Variants in RNF19B observed in about 807,000 individuals in gnomAD.
RNF19B encodes ring finger protein 19B, also known as E3 ubiquitin-protein ligase RNF19B.
RNF19B carries 23 observed loss-of-function variants against 65.5 expected under a neutral mutation model. The ratio of observed to expected loss-of-function variants is 0.35; its 90% confidence interval spans 0.25 to 0.50. The LOEUF (loss-of-function observed/expected upper bound fraction) is 0.50, where lower values mean the gene tolerates loss of function less well. Among genes scored for constraint, RNF19B ranks in the 20% least tolerant of loss-of-function variants. The pLI is 0.98. For synonymous variants in RNF19B, 372 were observed against 379.6 expected, an observed-to-expected ratio of 0.98 and a Z score of 0.23; for missense variants, 794 against 980.0, an observed-to-expected ratio of 0.81 and a Z score of 2.53.
intron 7 of RNF19B, among the ~76,000 whole-genome samples, chr1:32,941,466 GGA>G (rs1642228477): frequency 6.6e-6 from 1 of 152,166 alleles, no homozygotes; most frequent in Admixed American, 6.5e-5. Flanking sequence ...CTAGAACCCA[GGA>G]GGTGGAGGCT....
At position 32,952,452 on chromosome 1, in the gene RNF19B, A is replaced by C. The variant is rs866497856; in HGVS notation, c.636-2678T>G. 7.1e-4 allele frequency among the ~76,000 whole-genome samples: 106 copies of C among 149,444 alleles called. 1 individual carries two copies. Among genetic ancestry groups the C allele is most frequent in the Middle Eastern group, 6.8e-3 (2 of 292 alleles). ...CTTAAAAAAAAAAAAAAAAAAAAAAAAAAAAAACAGCCTGGCGTGGTGGCT... is the reference window on the plus strand; with the variant it reads ...CTTAAAAAAAAAAAAAAAAAAAAAACAAAAAAACAGCCTGGCGTGGTGGCT... On this transcript the variant is annotated intron_variant, in intron 1 of 8. Transcript: ENST00000235150.
intron 1 of RNF19B, among the ~76,000 whole-genome samples, chr1:32,956,042 C>A (rs1414375059): frequency 6.6e-6 from 1 of 152,118 alleles, no homozygotes; most frequent in African/African-American, 2.4e-5. Flanking sequence ...CCAGCCAGGG[C>A]AACATGGTGA....
intron 1 of RNF19B, among the ~76,000 whole-genome samples, chr1:32,958,244 C>T (rs1642687121): frequency 6.6e-6 from 1 of 152,218 alleles, no homozygotes; most frequent in Non-Finnish European, 1.5e-5. Flanking sequence ...AAGATTTATA[C>T]TACATATTAG....
downstream of RNF19B, among the ~76,000 whole-genome samples, chr1:32,932,863 G>A (rs1305576528): frequency 6.6e-6 from 1 of 152,096 alleles, no homozygotes; most frequent in South Asian, 2.1e-4. Flanking sequence ...TGCTTTTTTG[G>A]AAACAGACTA....
At chr1:32,941,770 C>CT in intron 7 of RNF19B, among the ~76,000 whole-genome samples, 1 of 152,032 alleles carries the variant, frequency 6.6e-6, no homozygotes, top group South Asian at 2.1e-4. Flanking sequence ...CTGACGTAAC[C>CT]TTTTTTTCTA....
Position 32,936,677 on chromosome 1 carries a change from C to T in RNF19B, c.*129G>A, listed in dbSNP as rs1375902958. ...GTGAATTTCTCAGAATTTCCCTGGG[C>T]AAAAACCTGTGACCAGAGAATCTGT... On this transcript the variant is annotated 3_prime_UTR_variant, in exon 9 of 9. Coordinates refer to ENST00000235150, the MANE Select transcript of RNF19B (RefSeq NM_001300826.2). The T allele has an allele frequency of 1.0e-6, 1 of 963,422 alleles. No homozygotes were observed. The highest frequency in any genetic ancestry group is 2.9e-5 in the East Asian group (1 of 34,084). 59.7% of individuals were successfully genotyped at this position (963,422 alleles called of 1,614,324 possible).
chr1:32,943,322 C>T (rs541398839), intron 6 of RNF19B, among the ~76,000 whole-genome samples: 4 of 151,758 alleles, frequency 2.6e-5, no homozygotes, highest in East Asian at 2.0e-4. Flanking sequence ...TAAAGAAATT[C>T]CCATTTAGGC....
downstream of RNF19B, among the ~76,000 whole-genome samples, chr1:32,933,549 C>T (rs1642055147): frequency 6.6e-6 from 1 of 152,192 alleles, no homozygotes; most frequent in African/African-American, 2.4e-5. Context: ...GCCACCACGC[C>T]CGGCCAAGCT....
intron 2 of RNF19B, among the ~76,000 whole-genome samples, chr1:32,948,594 A>G (rs1264854423): frequency 6.6e-6 from 1 of 152,198 alleles, no homozygotes; most frequent in African/African-American, 2.4e-5. Flanking sequence ...AACAACTGGC[A>G]TCTTACACAG....
chr1:32,953,139 T>C (rs1286656564), intron 1 of RNF19B, among the ~76,000 whole-genome samples: 4 of 151,520 alleles, frequency 2.6e-5, no homozygotes, highest in African/African-American at 7.3e-5. Flanking sequence ...TTTTTCTTTT[T>C]ATTTTTTTTT....
At chr1:32,931,744 T>C (rs1385321367), downstream of RNF19B, among the ~76,000 whole-genome samples, 1 of 152,230 alleles carries the variant, frequency 6.6e-6, no homozygotes, top group Non-Finnish European at 1.5e-5. Flanking sequence ...CTTTTGAGCT[T>C]TTTGTCTTTT....
chr1:32,946,381 A>G (rs758007937), intron 4 of RNF19B, 21 bp downstream of exon 4: 2 of 1,610,664 alleles, frequency 1.2e-6, no homozygotes, highest in South Asian at 2.2e-5. Flanking sequence ...ACAAGCACAG[A>G]AACCAGCATG....
At chr1:32,956,336 C>G (rs1642638143) in intron 1 of RNF19B, among the ~76,000 whole-genome samples, 2 of 152,204 alleles carry the variant, frequency 1.3e-5, no homozygotes, top group Admixed American at 6.5e-5. Flanking sequence ...GAGATTGCAC[C>G]ACTGCACTCC....
chr1:32,963,737 A>G (rs1450979853), intron 1 of RNF19B, among the ~76,000 whole-genome samples: 2 of 151,148 alleles, frequency 1.3e-5, no homozygotes, highest in Non-Finnish European at 2.9e-5. Flanking sequence ...AAAGAAAAAA[A>G]AAAAAAGATA....
At chr1:32,963,920 G>A (rs1476065315) in intron 1 of RNF19B, 131 bp downstream of exon 1, 6 of 1,333,284 alleles carry the variant, frequency 4.5e-6, no homozygotes, top group Admixed American at 8.1e-5. Context: ...CTTGCCTGAT[G>A]GTTACCACCC....
rs376812829 is a variant in RNF19B, at chr1:32,946,695, T to C, written c.984-131A>G. ...AAGAGTTTATGGGAAATGAATACAT[T>C]ACACAAGGGAGAGCAAAGGACAAGG... On this transcript the variant is annotated intron_variant, in intron 3 of 8. Coordinates refer to ENST00000235150, the MANE Select transcript of RNF19B (RefSeq NM_001300826.2). The C allele has an allele frequency of 3.5e-3, 2,742 of 777,412 alleles. 5 individuals carry two copies. The highest frequency in any genetic ancestry group is 4.9e-3 in the Non-Finnish European group (2,460 of 505,908). 48.2% of individuals were successfully genotyped at this position (777,412 alleles called of 1,614,324 possible).
chr1:32,950,661 A>AGGG (rs1642472188), intron 1 of RNF19B, among the ~76,000 whole-genome samples: 1 of 149,140 alleles, frequency 6.7e-6, no homozygotes, highest in Non-Finnish European at 1.5e-5. Flanking sequence ...CTCAGCCTCT[A>AGGG]GAGTAGCTGG....
At chr1:32,938,691 T>C (rs1642165606) in intron 7 of RNF19B, among the ~76,000 whole-genome samples, 163 bp from the exon 8 acceptor site, 2 of 152,216 alleles carry the variant, frequency 1.3e-5, no homozygotes, top group African/African-American at 2.4e-5. Context: ...ACATTTTTTC[T>C]CTTAAATATC....
chr1:32,958,706 C>T (rs1002837656), intron 1 of RNF19B, among the ~76,000 whole-genome samples: 5 of 146,460 alleles, frequency 3.4e-5, no homozygotes, highest in African/African-American at 1.0e-4. Context: ...GGCAACAGAG[C>T]GAGACTCCAT....
Sources: allele counts gnomAD v4.1 joint callset (sites outside exome capture counted in the v4.1 genomes callset), GRCh38; gene constraint gnomAD v4.1.1; transcripts MANE v1.5; gene names NCBI Gene and HGNC (gene_info 2026-07-23, HGNC 2026-07-21).